Variants in CCDC92 observed in about 807,000 individuals in gnomAD.
CCDC92 encodes the protein coiled-coil domain containing 92, also known as coiled-coil domain-containing protein 92.
CCDC92 carries 12 observed loss-of-function variants against 24.9 expected under a neutral mutation model. The observed-to-expected ratio is 0.48, with a 90% CI of 0.31 to 0.78. CCDC92 has a LOEUF of 0.78. Among genes scored for constraint, CCDC92 ranks in the 30% least tolerant of loss-of-function variants. The pLI is 0.05. For synonymous variants in CCDC92, 193 were observed against 196.3 expected (o/e 0.98, Z 0.14); for missense variants, 399 against 439.4 (o/e 0.91, Z 0.82).
chr12:123,962,114 T>G (rs1035140192), intron 1 of CCDC92, among the ~76,000 whole-genome samples: 1 of 152,204 alleles, frequency 6.6e-6, no homozygotes, highest in African/African-American at 2.4e-5. Flanking sequence ...TCGTGCCAGA[T>G]GCTAATATAA....
rs76335658 is a variant in CCDC92 at position 123,956,815 on chromosome 12, G to A, written c.-59-12451C>T. Among the ~76,000 whole-genome samples, 696 of 152,264 alleles carry A rather than the reference G, an allele frequency of 4.6e-3. 4 individuals are homozygous for A. Among genetic ancestry groups the A allele is most frequent in the South Asian group, 0.015 (72 of 4,828 alleles). On this transcript the variant is annotated intron_variant, in intron 1 of 4. Transcript: ENST00000238156. ...GTCAAAATAAATGAAAACAAATAATGACAAGTAAAATAAGGGGCAGGACAA... is the reference window on the plus strand; with the variant it reads ...GTCAAAATAAATGAAAACAAATAATAACAAGTAAAATAAGGGGCAGGACAA...
chr12:123,961,784 A>G (rs1237058927), intron 1 of CCDC92, among the ~76,000 whole-genome samples: 1 of 152,130 alleles, frequency 6.6e-6, no homozygotes. Flanking sequence ...CTTGATCAAC[A>G]CTCTAAGGAG....
At chr12:123,963,658 T>G (rs1314265735) in intron 1 of CCDC92, among the ~76,000 whole-genome samples, 1 of 152,192 alleles carries the variant, frequency 6.6e-6, no homozygotes, top group African/African-American at 2.4e-5. Flanking sequence ...TAAAGTGACC[T>G]GAGAAGTGAA....
chr12:123,959,574 G>A (rs1368177591), intron 1 of CCDC92, among the ~76,000 whole-genome samples: 2 of 152,142 alleles, frequency 1.3e-5, no homozygotes, highest in Non-Finnish European at 2.9e-5. Flanking sequence ...CAAAGTGCTG[G>A]GATTACAGGT....
Position 123,943,253 on chromosome 12 carries a change from G to A in CCDC92, c.181+94C>T, listed in dbSNP as rs559484928. 5 of 1,374,652 alleles carry A rather than the reference G, an allele frequency of 3.6e-6. No homozygotes were observed. In the East Asian group the frequency reaches 1.2e-4, roughly 32 times the overall value. 85.2% of individuals were successfully genotyped at this position (1,374,652 alleles called of 1,614,324 possible). ...ATGGACTCCTGCAACGATGATGGGAGCTGGGGGCAGGGCAGGCCTAGCACA... is the reference window on the plus strand; with the variant it reads ...ATGGACTCCTGCAACGATGATGGGAACTGGGGGCAGGGCAGGCCTAGCACA... On this transcript the variant is annotated intron_variant, in intron 3 of 4. Transcript: ENST00000238156.
intron 1 of CCDC92, among the ~76,000 whole-genome samples, chr12:123,954,070 A>G (rs1334774452): frequency 6.6e-6 from 1 of 152,248 alleles, no homozygotes; most frequent in Non-Finnish European, 1.5e-5. Context: ...AATGATGAAC[A>G]TATAGTCAGA....
chr12:123,937,853 C>T lies in CCDC92; in HGVS notation c.224-23G>A. On this transcript the variant is annotated intron_variant, in intron 4 of 4. Coordinates refer to ENST00000238156, the MANE Select transcript of CCDC92 (RefSeq NM_025140.3). The surrounding 1 kb of genome is among the most constrained non-coding windows in gnomAD (Gnocchi z 8.4). ...CTCCTACAAGAATAAGCCGAGGAAG[C>T]AGGTGAAGAACTCATTAGACTGAGG... 1 of 1,582,294 alleles carries T rather than the reference C, an allele frequency of 6.3e-7. No homozygotes were observed. The highest frequency in any genetic ancestry group is 8.5e-7 in the Non-Finnish European group (1 of 1,169,892).
intron 1 of CCDC92, chr12:123,962,950 TTC>T (rs1956308346): frequency 1.3e-5 from 2 of 152,142 alleles, no homozygotes; most frequent in South Asian, 4.1e-4. Flanking sequence ...GAACACGGGG[TTC>T]TCATTCTCCT....
Position 123,947,209 on chromosome 12 carries a change from C to T in CCDC92, c.-59-2845G>A, listed in dbSNP as rs909464317. On this transcript the variant is annotated intron_variant, in intron 1 of 4. Coordinates refer to ENST00000238156, the MANE Select transcript of CCDC92 (RefSeq NM_025140.3). ...AGCTGCCTTCCCGCAGGGCAGGGCT[C>T]GGGACCTGCAGCCTGCCATGCCTGA... Among the ~76,000 whole-genome samples, 12 of 152,196 alleles carry T rather than the reference C, an allele frequency of 7.9e-5. No homozygotes were observed. The South Asian group carries it at 8.3e-4, about 11-fold the overall frequency.
At chr12:123,953,052 TG>T (rs1425572360) in intron 1 of CCDC92, among the ~76,000 whole-genome samples, 1 of 152,212 alleles carries the variant, frequency 6.6e-6, no homozygotes, top group Non-Finnish European at 1.5e-5. Context: ...TGAGATTTTT[TG>T]TATAAAACAT....
At position 123,960,954 on chromosome 12, in the gene CCDC92, C is replaced by T. The variant is rs893744638; in HGVS notation, c.-60+11575G>A. ...ACAATAGGCCAGGCAATCGATTCTC[C>T]TTTTAAATATGCATCTGGAGGTGAA... On this transcript the variant is annotated intron_variant, in intron 1 of 4. Transcript: ENST00000238156. 1.2e-4 allele frequency: 19 copies of T among 152,314 alleles called. No homozygotes were observed. In the East Asian group the frequency reaches 3.5e-3, roughly 28 times the overall value. 9.4% of individuals were successfully genotyped at this position (152,314 alleles called of 1,614,324 possible).
intron 4 of CCDC92, among the ~76,000 whole-genome samples, chr12:123,940,757 C>T (rs1955659584): frequency 6.6e-6 from 1 of 152,202 alleles, no homozygotes; most frequent in Non-Finnish European, 1.5e-5. Flanking sequence ...CGCTTCTAAA[C>T]CTGCGCACTC....
Position 123,954,909 on chromosome 12 carries a change from G to A in CCDC92, c.-59-10545C>T, listed in dbSNP as rs75678783. 1.4e-3 allele frequency among the ~76,000 whole-genome samples: 211 copies of A among 152,358 alleles called. 2 individuals are homozygous for A. The highest frequency in any genetic ancestry group is 4.8e-3 in the African/African-American group (199 of 41,590). ...TCCGGACCCTCAGAGCTGGAGGGGC[G>A]ATGCCCATACAGTGTCAACTCTGCA... On this transcript the variant is annotated intron_variant, in intron 1 of 4. Transcript: ENST00000238156.
chr12:123,947,055 G>GGCCCTGCCA (rs1247728697), intron 1 of CCDC92, among the ~76,000 whole-genome samples: 3 of 152,148 alleles, frequency 2.0e-5, no homozygotes, highest in East Asian at 1.9e-4. Context: ...CCAGCGGGCC[G>GGCCCTGCCA]GCCCTGCCAG....
rs771712152 is a variant in CCDC92, at chr12:123,937,361, G to A, written c.693C>T (p.Leu231=). ...TAGCATCCACTGGTTCCCGCAAAAGGAGTTTCCTGCTCTCTGCCCCGAATC... is the reference window on the plus strand; with the variant it reads ...TAGCATCCACTGGTTCCCGCAAAAGAAGTTTCCTGCTCTCTGCCCCGAATC... ...VYRFGAESRK[L]LLREPVDAMP... The change falls in exon 5 of 5, where the codon CTC becomes CTT. Residue 231 remains leucine (L), a synonymous_variant. Coordinates refer to ENST00000238156, the MANE Select transcript of CCDC92 (RefSeq NM_025140.3). The surrounding 1 kb of genome is among the most constrained non-coding windows in gnomAD (Gnocchi z 8.4). 4 of 1,614,068 alleles carry A rather than the reference G, an allele frequency of 2.5e-6. No individual in the cohort carries two copies. In the South Asian group the frequency reaches 4.4e-5, roughly 18 times the overall value.
chr12:123,953,317 C>T (rs1431773437), intron 1 of CCDC92, among the ~76,000 whole-genome samples: 3 of 151,568 alleles, frequency 2.0e-5, no homozygotes, highest in African/African-American at 7.3e-5. Context: ...TGTCAAGGGG[C>T]TAGCATGGCA....
chr12:123,939,153 C>CAGAG (rs901733718), intron 4 of CCDC92, among the ~76,000 whole-genome samples: 1 of 152,240 alleles, frequency 6.6e-6, no homozygotes, highest in African/African-American at 2.4e-5. Flanking sequence ...ATTGTACCCT[C>CAGAG]TGTCCTTGCC....
chr12:123,949,849 C>A (rs113441393), intron 1 of CCDC92, among the ~76,000 whole-genome samples: 2,079 of 152,362 alleles, frequency 0.014, 20 homozygotes, highest in Middle Eastern at 0.027. Flanking sequence ...GGCCCGGCCT[C>A]GCCGAGTATG....
Position 123,937,128 on chromosome 12 carries a change from G to GTCT in CCDC92, c.923_925dup (p.Lys308dup). The GTCT allele has an allele frequency of 6.2e-7, 1 of 1,613,508 alleles. No individual in the cohort carries two copies. Among genetic ancestry groups the GTCT allele is most frequent in the Non-Finnish European group, 8.5e-7 (1 of 1,180,024 alleles). On this transcript the variant is annotated inframe_insertion, in exon 5 of 5. Coordinates refer to ENST00000238156, the MANE Select transcript of CCDC92 (RefSeq NM_025140.3). The surrounding 1 kb of genome is among the most constrained non-coding windows in gnomAD (Gnocchi z 8.4). Reference sequence around the variant, plus strand: ...TCCGTTCACCTGGTCGACCGCCAGGGTCTTCACCTCGGGCTGGGCCTGCGG... The same window carrying GTCT: ...TCCGTTCACCTGGTCGACCGCCAGGGTCTTCTTCACCTCGGGCTGGGCCTGCGG...
Sources: allele counts gnomAD v4.1 joint callset (sites outside exome capture counted in the v4.1 genomes callset), GRCh38; gene constraint gnomAD v4.1.1; non-coding constraint Gnocchi (gnomAD v3.1); transcripts MANE v1.5; gene names NCBI Gene and HGNC (gene_info 2026-07-23, HGNC 2026-07-21).